Variants in CCSER1 observed in about 807,000 individuals in gnomAD.
The protein encoded by CCSER1 is coiled-coil serine rich protein 1, also known as serine-rich coiled-coil domain-containing protein 1.
In CCSER1, 41 loss-of-function variants were observed where a neutral mutation model predicts 82.0. The observed-to-expected ratio is 0.50, with a 90% CI of 0.39 to 0.65. The LOEUF (loss-of-function observed/expected upper bound fraction) is 0.65, where lower values mean the gene tolerates loss of function less well. CCSER1 is among the 30% of genes least tolerant of loss of function. CCSER1 has a pLI of 0.00. For missense variants in CCSER1, 1,119 were observed against 1,064.2 expected (o/e 1.05, Z -0.72); for synonymous variants, 414 against 383.9 (o/e 1.08, Z -0.92).
intron 10 of CCSER1, among the ~76,000 whole-genome samples, chr4:91,217,953 C>T (rs1476108082): frequency 6.6e-6 from 1 of 152,362 alleles, no homozygotes; most frequent in East Asian, 1.9e-4. Context: ...GCCTGCCAGT[C>T]CTGCGCTGTG....
chr4:90,209,561 T>A (rs1454922758), intron 1 of CCSER1, among the ~76,000 whole-genome samples: 1 of 152,122 alleles, frequency 6.6e-6, no homozygotes, highest in Admixed American at 6.5e-5. Context: ...AAAATAATAC[T>A]AGATTTCTCA....
At chr4:90,812,220 A>G (rs1221769241) in intron 7 of CCSER1, among the ~76,000 whole-genome samples, 2 of 152,096 alleles carry the variant, frequency 1.3e-5, no homozygotes, top group African/African-American at 4.8e-5. Flanking sequence ...TATTCTAGCC[A>G]TTCTGGCAGC....
chr4:91,453,527 GC>G (rs1205607071), intron 10 of CCSER1, among the ~76,000 whole-genome samples: 2 of 151,788 alleles, frequency 1.3e-5, no homozygotes, highest in Non-Finnish European at 2.9e-5. Context: ...TAAATGTCTT[GC>G]CACCTCTTCC....
intron 10 of CCSER1, among the ~76,000 whole-genome samples, chr4:91,116,536 C>T (rs1248530348): frequency 2.6e-5 from 4 of 152,176 alleles, no homozygotes; most frequent in African/African-American, 9.7e-5. Context: ...AAATGGGAGA[C>T]AGTTGTGGTA....
chr4:90,538,913 T>A (rs905038687), intron 5 of CCSER1, among the ~76,000 whole-genome samples: 1 of 152,038 alleles, frequency 6.6e-6, no homozygotes, highest in African/African-American at 2.4e-5. Context: ...GTGAATTACT[T>A]TGGCATCTGA....
At chr4:91,469,510 T>A (rs1450995533) in intron 10 of CCSER1, among the ~76,000 whole-genome samples, 1 of 152,186 alleles carries the variant, frequency 6.6e-6, no homozygotes, top group Non-Finnish European at 1.5e-5. Context: ...GCAAGTAGTT[T>A]TCCCCCTGTT....
chr4:90,411,631 A>G (rs1560476415), intron 4 of CCSER1, among the ~76,000 whole-genome samples: 1 of 152,248 alleles, frequency 6.6e-6, no homozygotes, highest in Non-Finnish European at 1.5e-5. Flanking sequence ...TCAAAATAAC[A>G]TGAGCTATCT....
At chr4:91,399,732 G>A (rs1379884560) in intron 10 of CCSER1, among the ~76,000 whole-genome samples, 1 of 151,804 alleles carries the variant, frequency 6.6e-6, no homozygotes, top group African/African-American at 2.4e-5. Flanking sequence ...CTGTCATTTG[G>A]TAGGAATTGG....
At position 90,213,525 on chromosome 4, in the gene CCSER1, A is replaced by T. The variant is rs1740424088; in HGVS notation, c.-42+85694A>T. ...CATTTACCACGTGGAACTAGGTGAG[A>T]TCACCTGGCAGAGGGGTGTACATAA... On this transcript the variant is annotated intron_variant, in intron 1 of 10. Transcript: ENST00000509176. Among the ~76,000 whole-genome samples, 10 of 152,132 alleles carry T rather than the reference A, an allele frequency of 6.6e-5. No homozygotes were observed. The South Asian group carries it at 2.1e-3, about 31-fold the overall frequency.
intron 10 of CCSER1, among the ~76,000 whole-genome samples, chr4:91,540,035 T>C (rs1224886033): frequency 2.0e-5 from 3 of 152,142 alleles, no homozygotes; most frequent in African/African-American, 7.2e-5. Flanking sequence ...AATAAGAGCT[T>C]ACAAATTTCT....
intron 3 of CCSER1, among the ~76,000 whole-genome samples, chr4:90,325,140 C>T (rs1219267181): frequency 6.6e-6 from 1 of 152,060 alleles, no homozygotes; most frequent in Non-Finnish European, 1.5e-5. Flanking sequence ...GCTTTCTTGC[C>T]TGAATATTTG....
chr4:90,894,035 T>A (rs1417687097), intron 8 of CCSER1, among the ~76,000 whole-genome samples: 1 of 152,072 alleles, frequency 6.6e-6, no homozygotes, highest in African/African-American at 2.4e-5. Context: ...ATAGATGTTC[T>A]GAAATAGGGC....
At chr4:90,687,030 C>G (rs1474553510) in intron 6 of CCSER1, among the ~76,000 whole-genome samples, 2 of 152,158 alleles carry the variant, frequency 1.3e-5, no homozygotes, top group African/African-American at 4.8e-5. Context: ...AATTTTCTTA[C>G]CTATCGTCTT....
chr4:90,342,808 C>T (rs959387871), intron 3 of CCSER1, among the ~76,000 whole-genome samples: 4 of 151,978 alleles, frequency 2.6e-5, no homozygotes, highest in Non-Finnish European at 4.4e-5. Flanking sequence ...TGGACTTCAT[C>T]CTCTTTCTCT....
chr4:91,094,614 G>A (rs1204571383), intron 10 of CCSER1, among the ~76,000 whole-genome samples: 1 of 152,122 alleles, frequency 6.6e-6, no homozygotes, highest in Non-Finnish European at 1.5e-5. Flanking sequence ...ATTCCTTCAA[G>A]ATCTTCTCTG....
At chr4:91,499,477 A>T (rs547590906) in intron 10 of CCSER1, among the ~76,000 whole-genome samples, 1 of 151,864 alleles carries the variant, frequency 6.6e-6, no homozygotes, top group South Asian at 2.1e-4. Context: ...ACTCTGATAC[A>T]TCATCATTAT....
intron 3 of CCSER1, among the ~76,000 whole-genome samples, chr4:90,374,003 T>C (rs1310586553): frequency 2.0e-5 from 3 of 152,216 alleles, no homozygotes; most frequent in Non-Finnish European, 4.4e-5. Context: ...TTGTGACTAA[T>C]AAAGTCCTTT....
chr4:90,582,306 T>C (rs901091690), intron 5 of CCSER1, among the ~76,000 whole-genome samples: 1 of 152,200 alleles, frequency 6.6e-6, no homozygotes, highest in African/African-American at 2.4e-5. Flanking sequence ...TGTGCAGGGT[T>C]TGAGTAACTC....
At chr4:90,607,641 T>C (rs895681580) in intron 5 of CCSER1, among the ~76,000 whole-genome samples, 4 of 152,178 alleles carry the variant, frequency 2.6e-5, no homozygotes, top group African/African-American at 7.2e-5. Flanking sequence ...TATGTTCGAA[T>C]AGGGGCCCAT....
Sources: allele counts gnomAD v4.1 joint callset (sites outside exome capture counted in the v4.1 genomes callset), GRCh38; gene constraint gnomAD v4.1.1; transcripts MANE v1.5; gene names NCBI Gene and HGNC (gene_info 2026-07-23, HGNC 2026-07-21).